FNIP2: variants seen among roughly 807,000 people sequenced by gnomAD.
The protein encoded by FNIP2 is folliculin interacting protein 2, also known as folliculin-interacting protein 2.
In FNIP2, 32 loss-of-function variants were observed where a neutral mutation model predicts 108.7. The observed-to-expected ratio is 0.29, with a 90% CI of 0.22 to 0.40. FNIP2 has a LOEUF of 0.40. Among genes scored for constraint, FNIP2 ranks in the 10% least tolerant of loss-of-function variants. FNIP2 has a pLI of 1.00. For synonymous variants in FNIP2, 480 were observed against 496.7 expected (o/e 0.97, Z 0.45); for missense variants, 1,202 against 1,381.6 (o/e 0.87, Z 2.06).
At chr4:158,834,331 C>CTCTCTCTCTCTCTCTCTCT (rs1553959318) in intron 6 of FNIP2, 37 of 36,802 alleles carry the variant, frequency 1.0e-3, no homozygotes, top group African/African-American at 1.7e-3. Context: ...TCTCTCTCTC[C>CTCTCTCTCTCTCTCTCTCT]CTCTCTAAGT....
chr4:158,895,936 T>C, intron 16 of FNIP2, 71 bp downstream of exon 16: 1 of 1,164,320 alleles, frequency 8.6e-7, no homozygotes. Context: ...CTAACGTGTT[T>C]AGCCTGTGTC....
intron 1 of FNIP2, among the ~76,000 whole-genome samples, chr4:158,821,463 A>G (rs1490763873): frequency 6.6e-6 from 1 of 152,236 alleles, no homozygotes; most frequent in Non-Finnish European, 1.5e-5. Context: ...AGCACCAGGA[A>G]CTGTGGTCAG....
intron 1 of FNIP2, among the ~76,000 whole-genome samples, chr4:158,811,407 G>C (rs1005841555): frequency 1.3e-5 from 2 of 152,200 alleles, no homozygotes; most frequent in South Asian, 4.1e-4. Context: ...TGAGAACCTA[G>C]ACTTAATACC....
At chr4:158,789,499 T>G (rs181507358) in intron 1 of FNIP2, among the ~76,000 whole-genome samples, 5 of 152,382 alleles carry the variant, frequency 3.3e-5, no homozygotes, top group Middle Eastern at 6.8e-3. Context: ...ATGTTTCTGA[T>G]GTGTGCTCTG....
chr4:158,868,997 T>G lies in FNIP2; in HGVS notation c.2361T>G (p.Asp787Glu). 7 of 1,613,870 alleles carry G rather than the reference T, an allele frequency of 4.3e-6. No homozygotes were observed. The highest frequency in any genetic ancestry group is 1.3e-5 in the African/African-American group (1 of 75,012). The change falls in exon 13 of 17, where the codon GAT becomes GAG. Residue 787 changes from aspartate to glutamate, a missense_variant. Physicochemically the swap from Asp to Glu is conservative, Grantham distance 45. Around this residue, in one of 5 missense-constraint regions of FNIP2, gnomAD observed 878 missense variants for 990.3 expected, o/e 0.89. Coordinates refer to ENST00000264433, the MANE Select transcript of FNIP2 (RefSeq NM_020840.3). This position sits in a 1 kb window ranked among gnomAD's most constrained non-coding sequence, Gnocchi z 4.6. Reference sequence around the variant, plus strand: ...CTCAGAATCGGCTTTCAGAGGGGGATGAAGGCGAGTCTGACAAGGGTTTTG... The same window carrying G: ...CTCAGAATCGGCTTTCAGAGGGGGAGGAAGGCGAGTCTGACAAGGGTTTTG... Reference protein sequence around the residue: ...CCPQNRLSEGDEGESDKGFAE... With the variant: ...CCPQNRLSEGEEGESDKGFAE...
At chr4:158,830,484 G>A (rs1431651054) in intron 3 of FNIP2, among the ~76,000 whole-genome samples, 2 of 151,332 alleles carry the variant, frequency 1.3e-5, no homozygotes, top group African/African-American at 2.4e-5. Context: ...GGATGGTCTC[G>A]ATCTCCTGAC....
At chr4:158,804,109 T>C (rs886292918) in intron 1 of FNIP2, among the ~76,000 whole-genome samples, 5 of 152,172 alleles carry the variant, frequency 3.3e-5, no homozygotes, top group Non-Finnish European at 7.4e-5. Flanking sequence ...GGCTAATTTT[T>C]TTGTATTTTT....
intron 6 of FNIP2, 78 bp downstream of exon 6, chr4:158,833,706 G>C (rs1266903183): frequency 6.8e-7 from 1 of 1,468,052 alleles, no homozygotes; most frequent in East Asian, 2.3e-5. Context: ...ATTTGAGTTT[G>C]TCGTGGGTTT....
chr4:158,785,734 T>G (rs554873852), intron 1 of FNIP2, among the ~76,000 whole-genome samples: 1 of 151,540 alleles, frequency 6.6e-6, no homozygotes, highest in East Asian at 1.9e-4. Context: ...ACTTCAGAGA[T>G]TCTCCTCTAT....
In FNIP2 at chr4:158,906,057, A is replaced by G. The variant is rs1173191468; in HGVS notation, c.*1513A>G. 1 of 152,236 alleles carries G rather than the reference A, an allele frequency of 6.6e-6. No individual in the cohort carries two copies. Among genetic ancestry groups the G allele is most frequent in the Non-Finnish European group, 1.5e-5 (1 of 68,044 alleles). 9.4% of individuals were successfully genotyped at this position (152,236 alleles called of 1,614,324 possible). A position where few individuals can be genotyped will look rare whatever the true frequency, so the allele number is the denominator to read the frequency against. On this transcript the variant is annotated 3_prime_UTR_variant, in exon 17 of 17. Transcript: ENST00000264433. Reference sequence around the variant, plus strand: ...CCTTTTTTAATGATGCAAAATGTAGATGAGTGCATTAAGTTTTGTAAGATC... The same window carrying G: ...CCTTTTTTAATGATGCAAAATGTAGGTGAGTGCATTAAGTTTTGTAAGATC...
At chr4:158,796,943 G>A (rs1324696037) in intron 1 of FNIP2, among the ~76,000 whole-genome samples, 6 of 152,218 alleles carry the variant, frequency 3.9e-5, no homozygotes, top group African/African-American at 9.6e-5. Flanking sequence ...GGTGGCTGGC[G>A]TCTCCTGAGT....
intron 15 of FNIP2, among the ~76,000 whole-genome samples, chr4:158,891,956 A>C (rs975610037): frequency 5.9e-5 from 9 of 152,116 alleles, no homozygotes; most frequent in African/African-American, 2.2e-4. Flanking sequence ...AGAACTCATG[A>C]GTTCTCCTTT....
intron 1 of FNIP2, among the ~76,000 whole-genome samples, chr4:158,802,047 A>T (rs1404531324): frequency 6.6e-6 from 1 of 152,158 alleles, no homozygotes; most frequent in Non-Finnish European, 1.5e-5. Context: ...TTTTGTTTTT[A>T]ATAAACTTTG....
chr4:158,770,977 T>C (rs1775680694), intron 1 of FNIP2, among the ~76,000 whole-genome samples: 1 of 152,214 alleles, frequency 6.6e-6, no homozygotes, highest in Non-Finnish European at 1.5e-5. Flanking sequence ...TGAGTGTATT[T>C]GAACAAAAAA....
intron 7 of FNIP2, among the ~76,000 whole-genome samples, chr4:158,849,294 G>C (rs1245238842): frequency 6.6e-6 from 1 of 152,140 alleles, no homozygotes; most frequent in Non-Finnish European, 1.5e-5. Context: ...GCAGGGAGGA[G>C]GGGGAGCAGG....
At chr4:158,904,412 C>A in intron 16 of FNIP2, 54 bp from the exon 17 acceptor site, 3 of 1,409,584 alleles carry the variant, frequency 2.1e-6, no homozygotes, top group South Asian at 2.3e-5. Flanking sequence ...ATAATACTTT[C>A]TCATAAAACC....
chr4:158,899,974 G>A (rs1434639865), intron 16 of FNIP2, among the ~76,000 whole-genome samples: 1 of 152,130 alleles, frequency 6.6e-6, no homozygotes, highest in Non-Finnish European at 1.5e-5. Context: ...GCTTTCTCTT[G>A]TGGGCATTTA....
chr4:158,780,057 A>T (rs1018974963), intron 1 of FNIP2, among the ~76,000 whole-genome samples: 2 of 148,710 alleles, frequency 1.3e-5, no homozygotes, highest in African/African-American at 4.9e-5. Flanking sequence ...AATAAAAAAT[A>T]AAAAAAAAAC....
intron 12 of FNIP2, among the ~76,000 whole-genome samples, chr4:158,863,062 A>G (rs1222604240): frequency 6.6e-6 from 1 of 152,168 alleles, no homozygotes; most frequent in African/African-American, 2.4e-5. Flanking sequence ...TTCAGGGGAG[A>G]TCATGTATTG....
Sources: gnomAD v4.1 joint callset for allele counts (sites outside exome capture counted in the v4.1 genomes callset) on GRCh38, gnomAD v4.1.1 for gene constraint, gnomAD v4.1.1 regional missense constraint, Gnocchi (gnomAD v3.1) non-coding constraint, MANE v1.5 for transcripts, NCBI Gene and HGNC (gene_info 2026-07-23, HGNC 2026-07-21) for gene names.